Variants in CEMIP observed in about 807,000 individuals in gnomAD.
CEMIP encodes the protein cell migration inducing hyaluronidase 1, also known as cell migration-inducing and hyaluronan-binding protein.
A neutral mutation model predicts 156.9 loss-of-function variants in CEMIP; 105 were observed. The ratio of observed to expected loss-of-function variants is 0.67; its 90% CI spans 0.57 to 0.79. CEMIP has a LOEUF of 0.79. Ranked by LOEUF, CEMIP falls within the 30% of genes least tolerant of loss-of-function variation. The pLI is 0.00. For synonymous variants in CEMIP, 676 were observed against 668.4 expected (o/e 1.01, Z -0.17); for missense variants, 1,457 against 1,769.4 (o/e 0.82, Z 3.17).
intron 1 of CEMIP, among the ~76,000 whole-genome samples, chr15:80,864,368 T>C (rs1430646619): frequency 2.0e-5 from 3 of 152,230 alleles, no homozygotes; most frequent in African/African-American, 7.2e-5. Context: ...GTAACTCTCA[T>C]CTGAAGATGC....
At chr15:80,925,589 C>T (rs370523142) in intron 18 of CEMIP, 35 bp from the exon 19 acceptor site, 31 of 1,607,918 alleles carry the variant, frequency 1.9e-5, no homozygotes, top group Middle Eastern at 1.7e-4. Context: ...GCCCCCAACA[C>T]CGCCACCTGT....
At chr15:80,880,127 G>T (rs1176183716) in intron 5 of CEMIP, among the ~76,000 whole-genome samples, 1 of 152,194 alleles carries the variant, frequency 6.6e-6, no homozygotes, top group African/African-American at 2.4e-5. Context: ...CATGTTCAGG[G>T]AGGCTCTGCA....
chr15:80,824,168 G>A (rs577499682), intron 1 of CEMIP, among the ~76,000 whole-genome samples: 44 of 152,340 alleles, frequency 2.9e-4, no homozygotes, highest in Non-Finnish European at 4.9e-4. Context: ...CTGGGGACGG[G>A]TGTTGTGTTT....
At chr15:80,844,370 A>C (rs1165036845) in intron 1 of CEMIP, among the ~76,000 whole-genome samples, 1 of 152,212 alleles carries the variant, frequency 6.6e-6, no homozygotes, top group African/African-American at 2.4e-5. Flanking sequence ...AGCAAAGGCC[A>C]TTTTTTAAAA....
chr15:80,947,068 A>T lies in CEMIP; in HGVS notation c.3958+3A>T. The T allele has an allele frequency of 6.2e-7, 1 of 1,604,606 alleles. No homozygotes were observed. The highest frequency in any genetic ancestry group is 8.5e-7 in the Non-Finnish European group (1 of 1,171,500). ...AGACAGGGGTCTCAAGTTGAAAGGT[A>T]AGGGTTTGAACTGGGGTTTAAACTG... On this transcript the variant is annotated splice_donor_region_variant and intron_variant, in intron 29 of 29. Transcript: ENST00000394685.
chr15:80,937,062 C>A (rs966779474), intron 24 of CEMIP, among the ~76,000 whole-genome samples, 177 bp downstream of exon 24: 2 of 152,234 alleles, frequency 1.3e-5, no homozygotes, highest in African/African-American at 4.8e-5. Flanking sequence ...GCCAAGCCCC[C>A]GCTCCAGCAT....
chr15:80,874,078 G>A lies in CEMIP; in HGVS notation c.94+105G>A. 3 of 1,047,010 alleles carry A rather than the reference G, an allele frequency of 2.9e-6. No individual in the cohort carries two copies. The South Asian group carries it at 4.1e-5, about 14-fold the overall frequency. 64.9% of individuals were successfully genotyped at this position (1,047,010 alleles called of 1,614,324 possible). A position where few individuals can be genotyped will look rare whatever the true frequency, so the allele number is the denominator to read the frequency against. ...GGAGCCAGGAGAAGGAGCCGTGGGA[G>A]TGGGTCAGGGTGCCTGGGCCTTGGC... On this transcript the variant is annotated intron_variant, in intron 3 of 29. Coordinates refer to ENST00000394685, the MANE Select transcript of CEMIP (RefSeq NM_001293298.2).
intron 1 of CEMIP, among the ~76,000 whole-genome samples, chr15:80,815,023 A>C (rs1037924638): frequency 1.3e-4 from 20 of 152,296 alleles, no homozygotes; most frequent in African/African-American, 4.8e-4. Context: ...GAGTGTCCCT[A>C]CTGCTTTTCC....
intron 24 of CEMIP, 51 bp downstream of exon 24, chr15:80,936,936 C>T (rs964152217): frequency 5.1e-6 from 8 of 1,562,074 alleles, no homozygotes; most frequent in Non-Finnish European, 7.0e-6. Flanking sequence ...ATAACGATGC[C>T]TTGTTGCAAA....
chr15:80,951,535 G>C lies in CEMIP; in HGVS notation c.*2611G>C, dbSNP rs1901829465. On this transcript the variant is annotated 3_prime_UTR_variant, in exon 30 of 30. Transcript: ENST00000394685. ...TCCTTTTTCGGGAGTTAGATGTATA[G>C]AGTGTTTGTATGTAAACATTTCTTG... is the stretch of plus-strand genomic sequence containing the variant. 6.6e-6 allele frequency: 1 copy of C among 152,628 alleles called. No individual in the cohort carries two copies. The highest frequency in any genetic ancestry group is 1.5e-5 in the Non-Finnish European group (1 of 68,026). 9.5% of individuals were successfully genotyped at this position (152,628 alleles called of 1,614,324 possible).
chr15:80,920,242 A>G lies in CEMIP; in HGVS notation c.1946A>G (p.Lys649Arg). 6.2e-7 allele frequency: 1 copy of G among 1,614,224 alleles called. No individual in the cohort carries two copies. The highest frequency in any genetic ancestry group is 8.5e-7 in the Non-Finnish European group (1 of 1,180,040). Residue 649 changes from lysine to arginine, a missense_variant, in exon 15 of 30, where the codon AAG becomes AGG. Lys to Arg is a conservative substitution (Grantham distance 26). Coordinates refer to ENST00000394685, the MANE Select transcript of CEMIP (RefSeq NM_001293298.2). Reference protein sequence around the residue: ...LPSDRDSKMCKMITEDSYPGY... With the variant: ...LPSDRDSKMCRMITEDSYPGY... ...TCGGACCGTGACAGCAAGATGTGCA[A>G]GATGATCACAGAGGACTCCTACCCG...
At chr15:80,925,569 G>A (rs1900625976) in intron 18 of CEMIP, 55 bp from the exon 19 acceptor site, 2 of 1,602,362 alleles carry the variant, frequency 1.2e-6, no homozygotes, top group East Asian at 4.5e-5. Flanking sequence ...AAGGGAGTCA[G>A]CAGAGGCGTG....
intron 1 of CEMIP, among the ~76,000 whole-genome samples, chr15:80,840,105 A>G (rs1396348620): frequency 6.6e-6 from 1 of 152,184 alleles, no homozygotes; most frequent in Non-Finnish European, 1.5e-5. Flanking sequence ...GAAGGCAGAA[A>G]GTGGAAAGGG....
At chr15:80,841,346 C>G (rs1441483768) in intron 1 of CEMIP, among the ~76,000 whole-genome samples, 1 of 152,166 alleles carries the variant, frequency 6.6e-6, no homozygotes, top group African/African-American at 2.4e-5. Flanking sequence ...CAAAGGGCCC[C>G]CATGACAGTG....
At chr15:80,791,549 T>G (rs1370810161) in intron 1 of CEMIP, among the ~76,000 whole-genome samples, 2 of 152,110 alleles carry the variant, frequency 1.3e-5, no homozygotes, top group African/African-American at 2.4e-5. Flanking sequence ...AACATGAGGT[T>G]TCTTCCCGCT....
chr15:80,914,078 C>A lies in CEMIP; in HGVS notation c.1797+4772C>A, dbSNP rs1438823267. On this transcript the variant is annotated intron_variant, in intron 14 of 29. Transcript: ENST00000394685. ...CAGGCAGATGTGGGGTGCAGTCTGC[C>A]TTCAAAGGAAGGCTCTACAGTATCT... is the stretch of plus-strand genomic sequence containing the variant. Among the ~76,000 whole-genome samples the A allele has an allele frequency of 3.8e-5, 4 of 105,458 alleles. No homozygotes were observed. In the East Asian group the frequency reaches 1.1e-3, roughly 29 times the overall value. The allele number at this position is 105,458 out of a possible 152,430, so 69.2% of individuals were successfully genotyped here.
chr15:80,845,863 G>A (rs1027684935), intron 1 of CEMIP, among the ~76,000 whole-genome samples: 1 of 152,134 alleles, frequency 6.6e-6, no homozygotes, highest in Non-Finnish European at 1.5e-5. Context: ...GACACACAAG[G>A]CAACTAGTGA....
At chr15:80,928,753 C>T (rs917827436) in intron 19 of CEMIP, 149 bp from the exon 20 acceptor site, 3 of 993,554 alleles carry the variant, frequency 3.0e-6, no homozygotes, top group South Asian at 1.4e-5. Context: ...AGCCACAACT[C>T]CCTGAGCACG....
At chr15:80,779,824 G>C (rs1895744173) in intron 1 of CEMIP, among the ~76,000 whole-genome samples, 1 of 152,264 alleles carries the variant, frequency 6.6e-6, no homozygotes, top group South Asian at 2.1e-4. Context: ...TCTTGGCACT[G>C]TCCTCTGTGG....
Sources: allele counts gnomAD v4.1 joint callset (sites outside exome capture counted in the v4.1 genomes callset), GRCh38; gene constraint gnomAD v4.1.1; transcripts MANE v1.5; gene names NCBI Gene and HGNC (gene_info 2026-07-23, HGNC 2026-07-21).